The following KIAA0319L variants were observed in gnomAD, a reference collection of about 807,000 sequenced individuals.
The protein encoded by KIAA0319L is dyslexia-associated protein KIAA0319-like protein.
A neutral mutation model predicts 120.1 loss-of-function variants in KIAA0319L; 55 were observed. That is an observed-to-expected ratio of 0.46 (90% CI 0.37 to 0.57). KIAA0319L has a LOEUF of 0.57. Among genes scored for constraint, KIAA0319L ranks in the 20% least tolerant of loss-of-function variants. The pLI, the probability that KIAA0319L is intolerant of heterozygous loss-of-function variation, is 0.00. For synonymous variants in KIAA0319L, 398 were observed against 471.9 expected (o/e 0.84, Z 2.03); for missense variants, 1,049 against 1,255.3 (o/e 0.84, Z 2.48).
intron 2 of KIAA0319L, among the ~76,000 whole-genome samples, chr1:35,534,877 A>G (rs1417581378): frequency 3.4e-5 from 5 of 149,022 alleles, no homozygotes. Context: ...AAAAAAAAAA[A>G]AAAAAAGAAA....
chr1:35,476,274 G>A (rs1643894354), intron 4 of KIAA0319L, among the ~76,000 whole-genome samples: 1 of 152,114 alleles, frequency 6.6e-6, no homozygotes, highest in African/African-American at 2.4e-5. Flanking sequence ...CTCACCAGAC[G>A]TCAGTAGCAT....
chr1:35,434,867 C>G lies in KIAA0319L; in HGVS notation c.*27G>C. The G allele has an allele frequency of 6.2e-7, 1 of 1,600,770 alleles. No individual in the cohort carries two copies. Among genetic ancestry groups the G allele is most frequent in the East Asian group, 2.2e-5 (1 of 44,760 alleles). On this transcript the variant is annotated 3_prime_UTR_variant, in exon 21 of 21. Transcript: ENST00000325722. ...GGACTGGCCGGGCAGTGTGCTGGGC[C>G]CTGCCCTGAGGAGACAGACCAGGTG...
At chr1:35,543,358 T>G (rs535300217) in intron 2 of KIAA0319L, among the ~76,000 whole-genome samples, 1 of 152,184 alleles carries the variant, frequency 6.6e-6, no homozygotes, top group African/African-American at 2.4e-5. Context: ...TGTACTGCAA[T>G]GTAGTTAAGA....
At chr1:35,485,807 T>A (rs1435291420) in intron 3 of KIAA0319L, among the ~76,000 whole-genome samples, 5 of 152,322 alleles carry the variant, frequency 3.3e-5, no homozygotes, top group East Asian at 1.9e-4. Context: ...TTATTTATTT[T>A]TTTTCCTTTT....
At chr1:35,548,085 C>T (rs1647052531) in intron 2 of KIAA0319L, among the ~76,000 whole-genome samples, 1 of 151,078 alleles carries the variant, frequency 6.6e-6, no homozygotes, top group Non-Finnish European at 1.5e-5. Context: ...CGTACCACTG[C>T]AGTCCAGCCT....
chr1:35,531,046 G>A (rs1457530194), intron 2 of KIAA0319L, among the ~76,000 whole-genome samples: 1 of 152,236 alleles, frequency 6.6e-6, no homozygotes, highest in African/African-American at 2.4e-5. Context: ...GTCTGTAATA[G>A]TCACCCCAGG....
chr1:35,484,791 TATATATA>T (rs1644306932), intron 3 of KIAA0319L, among the ~76,000 whole-genome samples: 4 of 65,524 alleles, frequency 6.1e-5, no homozygotes, highest in African/African-American at 2.1e-4. Context: ...TATATATATA[TATATATA>T]TATATATATT....
At chr1:35,523,591 CGGTT>C (rs1364531493) in intron 2 of KIAA0319L, among the ~76,000 whole-genome samples, 1 of 151,994 alleles carries the variant, frequency 6.6e-6, no homozygotes, top group Non-Finnish European at 1.5e-5. Context: ...TGGTAAATGA[CGGTT>C]GGTAGATGAG....
At chr1:35,476,741 G>T (rs935681194) in intron 4 of KIAA0319L, among the ~76,000 whole-genome samples, 7 of 152,090 alleles carry the variant, frequency 4.6e-5, no homozygotes, top group African/African-American at 1.7e-4. Flanking sequence ...AATTACTTTG[G>T]TGCCTCATGA....
At chr1:35,492,081 A>G (rs1644615129) in intron 3 of KIAA0319L, among the ~76,000 whole-genome samples, 1 of 152,232 alleles carries the variant, frequency 6.6e-6, no homozygotes, top group Admixed American at 6.5e-5. Context: ...AGGAATAAAT[A>G]ATACCAATTC....
Position 35,437,822 on chromosome 1 carries a change from C to G in KIAA0319L, c.2963-2741G>C, listed in dbSNP as rs1640904788. On this transcript the variant is annotated intron_variant, in intron 20 of 20. Coordinates refer to ENST00000325722, the MANE Select transcript of KIAA0319L (RefSeq NM_024874.5). This position sits in a 1 kb window ranked among gnomAD's most constrained non-coding sequence, Gnocchi z 4.1. ...AGCAGATGGGAGATTCCTATTTCTA[C>G]AGTTCCATGTCTGACTCTTCTGCTG... Among the ~76,000 whole-genome samples the G allele has an allele frequency of 6.6e-6, 1 of 152,212 alleles. No homozygotes were observed. Among genetic ancestry groups the G allele is most frequent in the South Asian group, 2.1e-4 (1 of 4,826 alleles).
chr1:35,458,827 C>T (rs1398717700), intron 9 of KIAA0319L, among the ~76,000 whole-genome samples: 5 of 152,088 alleles, frequency 3.3e-5, no homozygotes, highest in African/African-American at 4.8e-5. Flanking sequence ...AGAAAAATTC[C>T]GACATTAGAA....
chr1:35,434,865 G>C lies in KIAA0319L; in HGVS notation c.*29C>G. The C allele has an allele frequency of 2.5e-6, 4 of 1,594,952 alleles. No homozygotes were observed. Among genetic ancestry groups the C allele is most frequent in the Non-Finnish European group, 3.4e-6 (4 of 1,166,838 alleles). On this transcript the variant is annotated 3_prime_UTR_variant, in exon 21 of 21. Coordinates refer to ENST00000325722, the MANE Select transcript of KIAA0319L (RefSeq NM_024874.5). ...GAGGACTGGCCGGGCAGTGTGCTGGGCCCTGCCCTGAGGAGACAGACCAGG... is the reference window on the plus strand; with the variant it reads ...GAGGACTGGCCGGGCAGTGTGCTGGCCCCTGCCCTGAGGAGACAGACCAGG...
At chr1:35,481,329 GTA>G (rs1260462879) in intron 3 of KIAA0319L, among the ~76,000 whole-genome samples, 1 of 152,164 alleles carries the variant, frequency 6.6e-6, no homozygotes, top group Non-Finnish European at 1.5e-5. Context: ...TTATACATAA[GTA>G]TATGTTTAAC....
chr1:35,484,933 C>T (rs1329542341), intron 3 of KIAA0319L, among the ~76,000 whole-genome samples: 1 of 148,808 alleles, frequency 6.7e-6, no homozygotes, highest in Non-Finnish European at 1.5e-5. Flanking sequence ...TTAGGTATAT[C>T]TCCCAATGCT....
intron 3 of KIAA0319L, among the ~76,000 whole-genome samples, chr1:35,482,017 G>C (rs921429194): frequency 5.9e-5 from 9 of 151,606 alleles, no homozygotes; most frequent in Non-Finnish European, 1.0e-4. Context: ...GTAGTGATGG[G>C]GTTTCACCGT....
At chr1:35,462,096 G>T (rs1642938115) in intron 8 of KIAA0319L, among the ~76,000 whole-genome samples, 1 of 152,202 alleles carries the variant, frequency 6.6e-6, no homozygotes, top group East Asian at 1.9e-4. Flanking sequence ...ATCCTCTCAT[G>T]TCACTCACTG....
At chr1:35,477,229 C>T (rs375962093) in intron 4 of KIAA0319L, among the ~76,000 whole-genome samples, 1 of 152,154 alleles carries the variant, frequency 6.6e-6, no homozygotes, top group Admixed American at 6.5e-5. Flanking sequence ...GTTCAAACAA[C>T]TCCACAGGAA....
intron 3 of KIAA0319L, among the ~76,000 whole-genome samples, chr1:35,486,011 T>C (rs1444244889): frequency 6.6e-6 from 1 of 152,040 alleles, no homozygotes; most frequent in Non-Finnish European, 1.5e-5. Flanking sequence ...CAGAGCTGAG[T>C]AATGGAGGTA....
Sources: gnomAD v4.1 joint callset for allele counts (sites outside exome capture counted in the v4.1 genomes callset) on GRCh38, gnomAD v4.1.1 for gene constraint, Gnocchi (gnomAD v3.1) non-coding constraint, MANE v1.5 for transcripts, NCBI Gene and HGNC (gene_info 2026-07-23, HGNC 2026-07-21) for gene names.